Variants in ZSCAN25 observed in about 807,000 individuals in gnomAD.
ZSCAN25 encodes the protein zinc finger and SCAN domain containing 25.
A neutral mutation model predicts 38.7 loss-of-function variants in ZSCAN25; 27 were observed. The ratio of observed to expected loss-of-function variants is 0.70; its 90% CI spans 0.51 to 0.96. ZSCAN25 has a LOEUF of 0.96. ZSCAN25 is among the 40% of genes least tolerant of loss of function. The pLI is 0.00. For missense variants in ZSCAN25, 637 were observed against 705.9 expected, an observed-to-expected ratio of 0.90 and a Z score of 1.11; for synonymous variants, 273 against 277.7, an observed-to-expected ratio of 0.98 and a Z score of 0.17.
At chr7:99,634,389 C>T (rs1374263880), downstream of ZSCAN25, among the ~76,000 whole-genome samples, 1 of 152,246 alleles carries the variant, frequency 6.6e-6, no homozygotes, top group Non-Finnish European at 1.5e-5. Context: ...TGCGGTGGCT[C>T]ACGCCTGTAA....
chr7:99,685,950 A>G, the ZSCAN25 span, among the ~76,000 whole-genome samples: 1 of 152,112 alleles, frequency 6.6e-6, no homozygotes, highest in Non-Finnish European at 1.5e-5. Flanking sequence ...ACCCTCTAAT[A>G]TGTGCTCATA....
the ZSCAN25 span, chr7:99,685,084 C>G: frequency 4.5e-5 from 57 of 1,271,882 alleles, no homozygotes; most frequent in Middle Eastern, 1.9e-4. Flanking sequence ...TTTGAGGTCT[C>G]TGGTGTTCTA....
chr7:99,693,309 G>A, the ZSCAN25 span, among the ~76,000 whole-genome samples: 2 of 152,084 alleles, frequency 1.3e-5, no homozygotes, highest in African/African-American at 4.8e-5. Context: ...AGTGTCTGTC[G>A]GCCTCTACTG....
At position 99,631,210 on chromosome 7, in the gene ZSCAN25, C is replaced by G; in HGVS notation, c.*1190C>G. On this transcript the variant is annotated 3_prime_UTR_variant, in exon 8 of 8. Transcript: ENST00000394152. ...CCTGAAATGCATTTGTCACCTACCT[C>G]TTGTTACTAAATGGTCTCTGCCCTC... is the stretch of plus-strand genomic sequence containing the variant. The G allele has an allele frequency of 1.1e-5, 11 of 985,446 alleles. No homozygotes were observed. The highest frequency in any genetic ancestry group is 1.3e-5 in the Non-Finnish European group (11 of 829,940). The allele number at this position is 985,446 out of a possible 1,614,324, so 61.0% of individuals were successfully genotyped here.
the ZSCAN25 span, among the ~76,000 whole-genome samples, chr7:99,637,669 G>A: frequency 1.2e-4 from 18 of 152,252 alleles, no homozygotes; most frequent in African/African-American, 4.3e-4. Context: ...TGTGGGCTAA[G>A]TTTACTATAC....
downstream of ZSCAN25, among the ~76,000 whole-genome samples, chr7:99,632,993 T>TTTTTTTG: frequency 6.6e-6 from 1 of 150,384 alleles, no homozygotes; most frequent in South Asian, 2.2e-4. Flanking sequence ...TCTGTTGTTT[T>TTTTTTTG]TTTTTTTTTT....
chr7:99,692,100 A>T, the ZSCAN25 span, among the ~76,000 whole-genome samples: 1 of 152,126 alleles, frequency 6.6e-6, no homozygotes, highest in Non-Finnish European at 1.5e-5. Context: ...GTGGTGACAA[A>T]ATCTCTCAGC....
At chr7:99,626,062 A>C (rs1355103228) in intron 7 of ZSCAN25, among the ~76,000 whole-genome samples, 2 of 152,208 alleles carry the variant, frequency 1.3e-5, no homozygotes, top group Non-Finnish European at 1.5e-5. Flanking sequence ...GATCACTTCC[A>C]GTTGTTCGTC....
At chr7:99,702,215 G>C in the ZSCAN25 span, among the ~76,000 whole-genome samples, 1 of 151,352 alleles carries the variant, frequency 6.6e-6, no homozygotes, top group Middle Eastern at 3.2e-3. Flanking sequence ...TCAGCCTCCT[G>C]AGTAGCTGGG....
intron 6 of ZSCAN25, 77 bp from the exon 7 acceptor site, chr7:99,623,980 A>C: frequency 7.5e-6 from 12 of 1,596,024 alleles, no homozygotes; most frequent in Non-Finnish European, 9.4e-6. Context: ...GTTGGGAGGA[A>C]GTTGGATTAC....
the ZSCAN25 span, chr7:99,717,214 G>A: frequency 6.7e-5 from 108 of 1,613,702 alleles, no homozygotes; most frequent in Middle Eastern, 9.9e-4. Context: ...TCTGCTTCCC[G>A]CCTCAGATTT....
chr7:99,680,951 A>G, the ZSCAN25 span, among the ~76,000 whole-genome samples: 222 of 152,358 alleles, frequency 1.5e-3, no homozygotes, highest in African/African-American at 5.0e-3. Context: ...GATGTATTTT[A>G]AAAGCTGTGC....
At chr7:99,722,135 TC>T in the ZSCAN25 span, among the ~76,000 whole-genome samples, 1 of 152,182 alleles carries the variant, frequency 6.6e-6, no homozygotes, top group Non-Finnish European at 1.5e-5. Context: ...AATACTCTTC[TC>T]CCAAATACAT....
chr7:99,728,059 C>T, the ZSCAN25 span, among the ~76,000 whole-genome samples: 1 of 152,068 alleles, frequency 6.6e-6, no homozygotes, highest in African/African-American at 2.4e-5. Context: ...TACTTCTGTC[C>T]CTCATGGCCA....
chr7:99,617,936 A>G, intron 1 of ZSCAN25, among the ~76,000 whole-genome samples: 1 of 152,262 alleles, frequency 6.6e-6, no homozygotes, highest in East Asian at 1.9e-4. Flanking sequence ...AACCAATGCA[A>G]TAGCTAGAAA....
At chr7:99,731,631 G>T in the ZSCAN25 span, among the ~76,000 whole-genome samples, 8 of 152,166 alleles carry the variant, frequency 5.3e-5, no homozygotes, top group African/African-American at 1.9e-4. Context: ...GAGAGCCTAT[G>T]GTGACCCTGT....
the ZSCAN25 span, among the ~76,000 whole-genome samples, chr7:99,732,426 A>C: frequency 2.0e-5 from 3 of 152,152 alleles, no homozygotes; most frequent in African/African-American, 7.2e-5. Context: ...AGACTAATAC[A>C]GCCAGACATG....
At chr7:99,680,275 C>G in the ZSCAN25 span, among the ~76,000 whole-genome samples, 1 of 152,120 alleles carries the variant, frequency 6.6e-6, no homozygotes, top group African/African-American at 2.4e-5. Flanking sequence ...GAAATCCATC[C>G]TCACAAGCCA....
chr7:99,708,419 T>G, the ZSCAN25 span, among the ~76,000 whole-genome samples: 1 of 152,108 alleles, frequency 6.6e-6, no homozygotes, highest in Non-Finnish European at 1.5e-5. Flanking sequence ...TCCTCTCGTC[T>G]CTTGTTTTTC....
Sources: gnomAD v4.1 joint callset for allele counts (sites outside exome capture counted in the v4.1 genomes callset) on GRCh38, gnomAD v4.1.1 for gene constraint, MANE v1.5 for transcripts, NCBI Gene and HGNC (gene_info 2026-07-23, HGNC 2026-07-21) for gene names.